The following EPHA5 variants were observed in gnomAD, a reference collection of about 807,000 sequenced individuals.
EPHA5 encodes EPH receptor A5.
In EPHA5, 60 loss-of-function variants were observed where a neutral mutation model predicts 105.0. The ratio of observed to expected loss-of-function variants is 0.57; its 90% CI spans 0.46 to 0.71. The LOEUF (loss-of-function observed/expected upper bound fraction) is 0.71, where lower values mean the gene tolerates loss of function less well. Among genes scored for constraint, EPHA5 ranks in the 30% least tolerant of loss-of-function variants. The probability of loss-of-function intolerance (pLI) is 0.00; values close to 1 mark genes in which losing one functional copy is unlikely to be tolerated. For synonymous variants in EPHA5, 513 were observed against 449.1 expected (o/e 1.14, Z -1.80); for missense variants, 1,218 against 1,274.7 (o/e 0.96, Z 0.68).
chr4:65,376,479 T>C (rs923624970), intron 8 of EPHA5, among the ~76,000 whole-genome samples: 1 of 152,060 alleles, frequency 6.6e-6, no homozygotes, highest in Non-Finnish European at 1.5e-5. Flanking sequence ...TCACTTCTGA[T>C]ATCTGTCATA....
rs979577713 is a variant in EPHA5, at chr4:65,322,674, A to G, written c.*1440T>C. 5.8e-5 allele frequency: 13 copies of G among 225,866 alleles called. No homozygotes were observed. The highest frequency in any genetic ancestry group is 1.1e-4 in the Non-Finnish European group (12 of 113,420). The allele number at this position is 225,866 out of a possible 1,614,324, so 14.0% of individuals were successfully genotyped here. On this transcript the variant is annotated 3_prime_UTR_variant, in exon 17 of 17. Coordinates refer to ENST00000613740, the MANE Select transcript of EPHA5 (RefSeq NM_001281766.3). ...TATGTTATATTCCTTAATAAGCCTA[A>G]TTACATAATACCTTGGATTGGTTCA... is the stretch of plus-strand genomic sequence containing the variant.
chr4:65,542,507 C>T (rs1340416938), intron 3 of EPHA5, among the ~76,000 whole-genome samples: 4 of 151,954 alleles, frequency 2.6e-5, no homozygotes, highest in Middle Eastern at 6.8e-3. Context: ...ATACACCCTC[C>T]CAAGACTAAA....
At chr4:65,441,736 TA>T (rs1272429085) in intron 5 of EPHA5, among the ~76,000 whole-genome samples, 13 of 151,750 alleles carry the variant, frequency 8.6e-5, no homozygotes, top group Admixed American at 5.9e-4. Flanking sequence ...AACATATTAA[TA>T]AAAAAATGGT....
chr4:65,600,018 T>C (rs184222859), intron 3 of EPHA5, among the ~76,000 whole-genome samples: 24 of 152,300 alleles, frequency 1.6e-4, no homozygotes, highest in African/African-American at 5.8e-4. Context: ...TGCTCACATA[T>C]TCTCTAAAAT....
intron 8 of EPHA5, among the ~76,000 whole-genome samples, chr4:65,370,194 CT>C (rs1202090142): frequency 1.3e-5 from 2 of 151,990 alleles, no homozygotes; most frequent in Non-Finnish European, 2.9e-5. Context: ...CTTAAATCAC[CT>C]CACCAAAATG....
chr4:65,403,963 C>T (rs979886068), intron 8 of EPHA5, among the ~76,000 whole-genome samples: 3 of 152,044 alleles, frequency 2.0e-5, no homozygotes, highest in African/African-American at 7.2e-5. Flanking sequence ...AGAATGCTGA[C>T]TAAATAGAAT....
intron 3 of EPHA5, among the ~76,000 whole-genome samples, chr4:65,549,863 C>T (rs1737729534): frequency 1.3e-5 from 2 of 151,998 alleles, no homozygotes; most frequent in Admixed American, 1.3e-4. Flanking sequence ...AAAATTAAAA[C>T]AAGTTCCTGT....
rs184264595 is a variant in EPHA5, at chr4:65,336,129, T to G, written c.2596-4A>C. 6 of 1,595,118 alleles carry G rather than the reference T, an allele frequency of 3.8e-6. No homozygotes were observed. The Admixed American group carries it at 1.0e-4, about 28-fold the overall frequency. ...CTTCCTCTACCGCTTTAATCACCTG[T>G]ATAAAGCAAAACAGAACCAGCACCC... On this transcript the variant is annotated splice_region_variant and splice_polypyrimidine_tract_variant and intron_variant, in intron 14 of 16. Coordinates refer to ENST00000613740, the MANE Select transcript of EPHA5 (RefSeq NM_001281766.3).
chr4:65,365,875 A>T (rs2148891683), intron 10 of EPHA5, 57 bp downstream of exon 10: 1 of 1,563,556 alleles, frequency 6.4e-7, no homozygotes, highest in Non-Finnish European at 8.8e-7. Context: ...ACACTGGTAT[A>T]TTACATTCTG....
intron 3 of EPHA5, among the ~76,000 whole-genome samples, chr4:65,582,505 T>A (rs1334648023): frequency 6.6e-6 from 1 of 151,260 alleles, no homozygotes; most frequent in African/African-American, 2.4e-5. Context: ...CCAGAAGTAT[T>A]CCTTTTCTTA....
chr4:65,501,232 A>C (rs965195162), intron 3 of EPHA5, among the ~76,000 whole-genome samples: 1 of 151,414 alleles, frequency 6.6e-6, no homozygotes, highest in South Asian at 2.1e-4. Flanking sequence ...TTTTATCTTC[A>C]TATTTAAAAC....
At chr4:65,645,130 G>T (rs1748007847) in intron 1 of EPHA5, among the ~76,000 whole-genome samples, 1 of 152,034 alleles carries the variant, frequency 6.6e-6, no homozygotes, top group Non-Finnish European at 1.5e-5. Context: ...TTTTCAGACA[G>T]ATCCATACTC....
intron 3 of EPHA5, among the ~76,000 whole-genome samples, chr4:65,591,279 G>A (rs553896091): frequency 3.9e-4 from 60 of 152,092 alleles, no homozygotes; most frequent in African/African-American, 1.4e-3. Context: ...TTAGTACTAT[G>A]AAGAAATATG....
chr4:65,547,539 T>C (rs532786370), intron 3 of EPHA5, among the ~76,000 whole-genome samples: 1 of 152,166 alleles, frequency 6.6e-6, no homozygotes, highest in Admixed American at 6.6e-5. Flanking sequence ...GTTAAGTCAT[T>C]TCTGGTATCT....
chr4:65,634,917 A>C (rs571107375), intron 2 of EPHA5, among the ~76,000 whole-genome samples: 12 of 152,206 alleles, frequency 7.9e-5, no homozygotes, highest in African/African-American at 2.9e-4. Flanking sequence ...AGCAGAGTTC[A>C]AATGCTTCTC....
At chr4:65,573,449 A>G (rs1740445793) in intron 3 of EPHA5, 5 of 1,099,058 alleles carry the variant, frequency 4.5e-6, no homozygotes, top group Non-Finnish European at 2.6e-6. Flanking sequence ...GCTCTTTCCC[A>G]TCTTGCAAGA....
chr4:65,519,446 C>T (rs377158083), intron 3 of EPHA5, among the ~76,000 whole-genome samples: 3 of 152,108 alleles, frequency 2.0e-5, no homozygotes, highest in South Asian at 4.1e-4. Flanking sequence ...AAACGGGAAG[C>T]ATTTCCTTTG....
intron 14 of EPHA5, among the ~76,000 whole-genome samples, chr4:65,344,229 T>C (rs1034908862): frequency 1.2e-4 from 18 of 152,178 alleles, no homozygotes; most frequent in Non-Finnish European, 2.6e-4. Flanking sequence ...TCCTTCTTAC[T>C]CTTCAGCCAT....
intron 3 of EPHA5, among the ~76,000 whole-genome samples, chr4:65,522,979 G>A (rs1457346246): frequency 1.3e-5 from 2 of 151,876 alleles, no homozygotes; most frequent in East Asian, 1.9e-4. Flanking sequence ...ACAAAAAAGA[G>A]GTGGTGAAAG....
Sources: allele counts gnomAD v4.1 joint callset (sites outside exome capture counted in the v4.1 genomes callset), GRCh38; gene constraint gnomAD v4.1.1; transcripts MANE v1.5; gene names NCBI Gene and HGNC (gene_info 2026-07-23, HGNC 2026-07-21).